The following DLGAP2 variants were observed in gnomAD, a reference collection of about 807,000 sequenced individuals.
DLGAP2 encodes the protein disks large-associated protein 2.
DLGAP2 carries 26 observed loss-of-function variants against 100.3 expected under a neutral mutation model. The ratio of observed to expected loss-of-function variants is 0.26; its 90% confidence interval spans 0.19 to 0.36. DLGAP2 has a LOEUF of 0.36. DLGAP2 is among the 10% of genes least tolerant of loss of function. The pLI is 1.00. For missense variants in DLGAP2, 1,858 were observed against 1,453.2 expected (o/e 1.28, Z -4.53); for synonymous variants, 886 against 630.1 (o/e 1.41, Z -6.08).
intron 2 of DLGAP2, chr8:1,019,529 A>G (rs1478990983): frequency 6.6e-6 from 1 of 151,848 alleles, no homozygotes; most frequent in Non-Finnish European, 1.5e-5. Context: ...AGAGAGGGGC[A>G]GAGCGACTTC....
intron 3 of DLGAP2, among the ~76,000 whole-genome samples, chr8:1,484,495 G>A (rs575411123): frequency 2.0e-5 from 3 of 152,238 alleles, no homozygotes; most frequent in Non-Finnish European, 2.9e-5. Flanking sequence ...CCGACCCAGG[G>A]TCCTCCATGG....
At chr8:1,008,511 T>C (rs1044706713) in intron 2 of DLGAP2, among the ~76,000 whole-genome samples, 8 of 152,276 alleles carry the variant, frequency 5.3e-5, no homozygotes, top group Admixed American at 3.3e-4. Flanking sequence ...TATTTTCTTA[T>C]TGATGCATTA....
chr8:1,595,560 G>A (rs1166021306), intron 6 of DLGAP2, among the ~76,000 whole-genome samples: 3 of 150,722 alleles, frequency 2.0e-5, no homozygotes, highest in East Asian at 1.9e-4. Context: ...CCAGCTACTC[G>A]GGAGGCTGAG....
chr8:781,246 C>G (rs1821679121), intron 1 of DLGAP2, among the ~76,000 whole-genome samples: 1 of 152,106 alleles, frequency 6.6e-6, no homozygotes, highest in East Asian at 1.9e-4. Context: ...TAAGCATCAT[C>G]AGATGTTAAA....
chr8:1,185,733 TCACA>T lies in DLGAP2; in HGVS notation c.74-73108_74-73105del, dbSNP rs77585255. 8.6e-5 allele frequency among the ~76,000 whole-genome samples: 12 copies of T among 139,328 alleles called. No individual in the cohort carries two copies. The South Asian group carries it at 1.4e-3, about 16-fold the overall frequency. 91.4% of individuals were successfully genotyped at this position (139,328 alleles called of 152,430 possible). A position where few individuals can be genotyped will look rare whatever the true frequency, so the allele number is the denominator to read the frequency against. On this transcript the variant is annotated intron_variant, in intron 2 of 14. Coordinates refer to ENST00000637795, the MANE Select transcript of DLGAP2 (RefSeq NM_001346810.2). ...CTCACACACACACACACACTCACAC[TCACA>T]CACACACACTCACACACATTCAGGA...
chr8:1,372,542 A>G (rs985169423), intron 3 of DLGAP2, among the ~76,000 whole-genome samples: 1 of 152,046 alleles, frequency 6.6e-6, no homozygotes, highest in African/African-American at 2.4e-5. Flanking sequence ...TGTGTATTGC[A>G]GGGTTTTAGG....
intron 2 of DLGAP2, among the ~76,000 whole-genome samples, chr8:977,722 G>A (rs13270728): frequency 3.5e-5 from 4 of 113,932 alleles, no homozygotes; most frequent in African/African-American, 1.2e-4. Flanking sequence ...AGTAATGTGG[G>A]GAGGGCGTCG....
intron 3 of DLGAP2, among the ~76,000 whole-genome samples, chr8:1,302,792 C>A (rs1169529428): frequency 4.6e-5 from 7 of 152,272 alleles, no homozygotes; most frequent in African/African-American, 1.7e-4. Context: ...TTGCCCAGAG[C>A]TTGGCTCTTC....
intron 5 of DLGAP2, among the ~76,000 whole-genome samples, chr8:1,556,496 G>A (rs1199462287): frequency 6.6e-6 from 1 of 152,184 alleles, no homozygotes. Flanking sequence ...GGCAGTGGAT[G>A]CCCCAGGCTT....
At chr8:1,633,143 A>G (rs1797691782) in intron 8 of DLGAP2, 97 bp downstream of exon 8, 3 of 1,167,098 alleles carry the variant, frequency 2.6e-6, no homozygotes, top group South Asian at 2.7e-5. Context: ...CCACAGTACA[A>G]TGTACTCTCC....
chr8:1,249,070 C>G (rs137975986), intron 2 of DLGAP2, among the ~76,000 whole-genome samples: 2 of 152,152 alleles, frequency 1.3e-5, no homozygotes, highest in African/African-American at 2.4e-5. Flanking sequence ...GGGACAGAGG[C>G]TGAGAACACC....
chr8:1,078,071 T>A (rs1803683468), intron 2 of DLGAP2, among the ~76,000 whole-genome samples: 2 of 152,022 alleles, frequency 1.3e-5, no homozygotes, highest in African/African-American at 4.8e-5. Flanking sequence ...CCGGTGAGGG[T>A]TACCTTCTGT....
chr8:1,221,556 C>T (rs1798314909), intron 2 of DLGAP2, among the ~76,000 whole-genome samples: 1 of 152,030 alleles, frequency 6.6e-6, no homozygotes, highest in African/African-American at 2.4e-5. Flanking sequence ...CTTTGGAGAA[C>T]CTGATGACTA....
chr8:1,382,324 G>A (rs547945083), intron 3 of DLGAP2, among the ~76,000 whole-genome samples: 2 of 152,390 alleles, frequency 1.3e-5, no homozygotes, highest in South Asian at 2.1e-4. Flanking sequence ...GAGGAGAAGA[G>A]GGGTTGTTCC....
At chr8:887,360 T>G (rs1350604803) in intron 1 of DLGAP2, among the ~76,000 whole-genome samples, 1 of 152,224 alleles carries the variant, frequency 6.6e-6, no homozygotes, top group Non-Finnish European at 1.5e-5. Flanking sequence ...TGGGGGCATT[T>G]AGCCCATTTA....
At chr8:1,098,906 A>G (rs1166296334) in intron 2 of DLGAP2, among the ~76,000 whole-genome samples, 4 of 152,184 alleles carry the variant, frequency 2.6e-5, no homozygotes, top group African/African-American at 9.6e-5. Flanking sequence ...CACAAATCAC[A>G]GAACGACTTT....
At chr8:1,452,614 G>A (rs1033068356) in intron 3 of DLGAP2, among the ~76,000 whole-genome samples, 1 of 152,138 alleles carries the variant, frequency 6.6e-6, no homozygotes, top group African/African-American at 2.4e-5. Context: ...AAGAGGAGAT[G>A]GAGAATTCTG....
intron 1 of DLGAP2, among the ~76,000 whole-genome samples, chr8:773,836 G>GATTTATA (rs1821435371): frequency 1.3e-5 from 2 of 152,160 alleles, no homozygotes; most frequent in Admixed American, 1.3e-4. Context: ...ATAGCAGCAT[G>GATTTATA]ATTTATAGTC....
At chr8:1,089,375 C>T (rs1384223979) in intron 2 of DLGAP2, among the ~76,000 whole-genome samples, 2 of 152,242 alleles carry the variant, frequency 1.3e-5, no homozygotes, top group Non-Finnish European at 2.9e-5. Flanking sequence ...AGCCGTTTGT[C>T]CCCCTGAGGC....
Sources: allele counts gnomAD v4.1 joint callset (sites outside exome capture counted in the v4.1 genomes callset), GRCh38; gene constraint gnomAD v4.1.1; transcripts MANE v1.5; gene names NCBI Gene and HGNC (gene_info 2026-07-23, HGNC 2026-07-21).